WBP1L: variants seen among roughly 807,000 people sequenced by gnomAD.
WBP1L encodes the protein WW domain binding protein 1-like.
WBP1L carries 17 observed loss-of-function variants against 33.7 expected under a neutral mutation model. That is an observed-to-expected ratio of 0.50 (90% confidence interval 0.34 to 0.76). The LOEUF (loss-of-function observed/expected upper bound fraction) is 0.76, where lower values mean the gene tolerates loss of function less well. Ranked by LOEUF, WBP1L falls within the 30% of genes least tolerant of loss-of-function variation. WBP1L has a pLI of 0.01. For synonymous variants in WBP1L, 173 were observed against 190.8 expected, an observed-to-expected ratio of 0.91 and a Z score of 0.77; for missense variants, 389 against 469.4, an observed-to-expected ratio of 0.83 and a Z score of 1.58.
chr10:102,777,763 C>T (rs1288124296), intron 1 of WBP1L, among the ~76,000 whole-genome samples: 2 of 152,032 alleles, frequency 1.3e-5, no homozygotes, highest in Admixed American at 1.3e-4. Flanking sequence ...CGGGGTTTCG[C>T]CATGTTGGTC....
chr10:102,802,153 T>C (rs1843667242), intron 2 of WBP1L, among the ~76,000 whole-genome samples: 1 of 136,958 alleles, frequency 7.3e-6, no homozygotes, highest in South Asian at 2.6e-4. Flanking sequence ...CCTCTTTTTG[T>C]GTGTGTGAGA....
In WBP1L at chr10:102,753,788, A is replaced by G. The variant is rs1590165863; in HGVS notation, c.90+9645A>G. ...TTTGGAAGAGGTAAAAATAAATGTA[A>G]GATGTTACAAGAATATCTGTGGCTT... is the stretch of plus-strand genomic sequence containing the variant. On this transcript the variant is annotated intron_variant, in intron 1 of 3. Transcript: ENST00000448841. 2.0e-5 allele frequency among the ~76,000 whole-genome samples: 3 copies of G among 152,334 alleles called. No individual in the cohort carries two copies. The South Asian group carries it at 6.2e-4, about 32-fold the overall frequency.
chr10:102,770,831 G>C (rs943285581), intron 1 of WBP1L, among the ~76,000 whole-genome samples: 6 of 152,200 alleles, frequency 3.9e-5, no homozygotes, highest in African/African-American at 1.4e-4. Flanking sequence ...CTGACCCTCA[G>C]TTCTGGTTTT....
intron 1 of WBP1L, among the ~76,000 whole-genome samples, chr10:102,747,059 T>C (rs1842871997): frequency 6.6e-6 from 1 of 152,114 alleles, no homozygotes; most frequent in African/African-American, 2.4e-5. Flanking sequence ...ACGTGAATCC[T>C]TAAATCTATA....
chr10:102,749,766 A>ATATT (rs779379207), intron 1 of WBP1L, among the ~76,000 whole-genome samples: 99 of 151,502 alleles, frequency 6.5e-4, no homozygotes, highest in East Asian at 1.4e-3. Flanking sequence ...CTGGCCCTCC[A>ATATT]TATTTATTTA....
chr10:102,798,183 C>T (rs995488012), intron 2 of WBP1L, 88 bp downstream of exon 2: 44 of 1,160,400 alleles, frequency 3.8e-5, no homozygotes, highest in South Asian at 2.5e-5. Flanking sequence ...TAGCCCTTTT[C>T]GGATTCTCTT....
chr10:102,748,188 G>A (rs374723044), intron 1 of WBP1L, among the ~76,000 whole-genome samples: 3 of 151,962 alleles, frequency 2.0e-5, no homozygotes, highest in East Asian at 1.9e-4. Context: ...CCTGGGAGGC[G>A]GAGCTTGCAG....
At chr10:102,795,229 G>A (rs1843557680) in intron 1 of WBP1L, among the ~76,000 whole-genome samples, 1 of 152,322 alleles carries the variant, frequency 6.6e-6, no homozygotes, top group East Asian at 1.9e-4. Context: ...GCTGATGTAA[G>A]TTCCGAGCAG....
intron 1 of WBP1L, chr10:102,746,114 T>G (rs1047035047): frequency 4.9e-5 from 48 of 984,818 alleles, no homozygotes; most frequent in Non-Finnish European, 5.4e-5. Context: ...CTAGATCCAC[T>G]TTTTCAGCAA....
At chr10:102,785,389 G>A (rs1475891611) in intron 1 of WBP1L, among the ~76,000 whole-genome samples, 14 of 150,704 alleles carry the variant, frequency 9.3e-5, no homozygotes, top group South Asian at 2.1e-4. Context: ...GGGTTTCACC[G>A]TGTTAGCCAG....
chr10:102,766,309 C>T (rs1001122146), intron 1 of WBP1L, among the ~76,000 whole-genome samples: 43 of 151,186 alleles, frequency 2.8e-4, no homozygotes, highest in African/African-American at 1.0e-3. Context: ...GGGCATGGTG[C>T]GCATGCCTGT....
chr10:102,798,064 T>A lies in WBP1L; in HGVS notation c.162T>A (p.Ser54=). 1.9e-6 allele frequency: 3 copies of A among 1,614,178 alleles called. No individual in the cohort carries two copies. In the Admixed American group the frequency reaches 5.0e-5, roughly 27 times the overall value. ...ACACAGGACACTGCTGTGGACAGTCTCAGTGCTGCAACTACTACTATGAAC... is the reference window on the plus strand; with the variant it reads ...ACACAGGACACTGCTGTGGACAGTCACAGTGCTGCAACTACTACTATGAAC... ...ICDTGHCCGQ[S]QCCNYYYELW... is the part of the protein sequence containing the mutation. Residue 54 remains serine, a synonymous_variant, in exon 2 of 4, where the codon TCT becomes TCA. Coordinates refer to ENST00000448841, the MANE Select transcript of WBP1L (RefSeq NM_001083913.2).
In WBP1L at chr10:102,814,065, A is replaced by G. The variant is rs1311198407; in HGVS notation, c.*734A>G. 1 of 152,232 alleles carries G rather than the reference A, an allele frequency of 6.6e-6. No individual in the cohort carries two copies. Among genetic ancestry groups the G allele is most frequent in the African/African-American group, 2.4e-5 (1 of 41,460 alleles). The allele number at this position is 152,232 out of a possible 1,614,324, so 9.4% of individuals were successfully genotyped here. A position where few individuals can be genotyped will look rare whatever the true frequency, so the allele number is the denominator to read the frequency against. Reference sequence around the variant, plus strand: ...TTGTTTGTTTTTTTCTCTAAAAACAAACAGCAAAAGACAGCTGAAAACAAG... The same window carrying G: ...TTGTTTGTTTTTTTCTCTAAAAACAGACAGCAAAAGACAGCTGAAAACAAG... On this transcript the variant is annotated 3_prime_UTR_variant, in exon 4 of 4. Transcript: ENST00000448841.
intron 1 of WBP1L, among the ~76,000 whole-genome samples, chr10:102,794,118 G>A (rs1045174388): frequency 1.5e-5 from 2 of 129,700 alleles, no homozygotes; most frequent in South Asian, 2.5e-4. Flanking sequence ...TTAAGCCACC[G>A]GGAGGTGTTT....
chr10:102,805,250 G>T (rs982603258), intron 2 of WBP1L, among the ~76,000 whole-genome samples: 2 of 152,104 alleles, frequency 1.3e-5, no homozygotes, highest in Middle Eastern at 3.2e-3. Flanking sequence ...CTGTACTCCA[G>T]CCTGGGTGAC....
chr10:102,755,472 A>G (rs1356574147), intron 1 of WBP1L, among the ~76,000 whole-genome samples: 1 of 150,780 alleles, frequency 6.6e-6, no homozygotes, highest in Non-Finnish European at 1.5e-5. Context: ...GCTTACTGCA[A>G]CCTCCGCCTC....
intron 1 of WBP1L, chr10:102,746,173 G>A (rs894031155): frequency 1.0e-6 from 1 of 985,140 alleles, no homozygotes; most frequent in African/African-American, 1.7e-5. Context: ...GAGCCTGGGA[G>A]GTGTTGTGAA....
intron 2 of WBP1L, among the ~76,000 whole-genome samples, chr10:102,807,928 C>T (rs1055835859): frequency 6.6e-6 from 1 of 151,390 alleles, no homozygotes; most frequent in African/African-American, 2.4e-5. Flanking sequence ...TTGTTTTGGC[C>T]GGGCGCGGTG....
chr10:102,744,540 G>GT (rs1365088617), intron 1 of WBP1L: 1 of 948,114 alleles, frequency 1.1e-6, no homozygotes, highest in Non-Finnish European at 1.3e-6. Flanking sequence ...GAGTTGGCCT[G>GT]TGAGGGAGGG....
Sources: allele counts gnomAD v4.1 joint callset (sites outside exome capture counted in the v4.1 genomes callset), GRCh38; gene constraint gnomAD v4.1.1; transcripts MANE v1.5; gene names NCBI Gene and HGNC (gene_info 2026-07-23, HGNC 2026-07-21).